The following PTPN14 variants were observed in gnomAD, a reference collection of about 807,000 sequenced individuals.
PTPN14 encodes protein tyrosine phosphatase non-receptor type 14, also known as tyrosine-protein phosphatase non-receptor type 14.
PTPN14 carries 53 observed loss-of-function variants against 126.8 expected under a neutral mutation model. The observed-to-expected ratio is 0.42, with a 90% CI of 0.34 to 0.53. PTPN14 has a LOEUF of 0.53. PTPN14 is among the 20% of genes least tolerant of loss of function. The pLI, the probability that PTPN14 is intolerant of heterozygous loss-of-function variation, is 0.08. For missense variants in PTPN14, 1,257 were observed against 1,552.9 expected, an observed-to-expected ratio of 0.81 and a Z score of 3.20; for synonymous variants, 630 against 599.3, an observed-to-expected ratio of 1.05 and a Z score of -0.75.
chr1:214,433,187 G>T (rs1340636856), intron 3 of PTPN14, among the ~76,000 whole-genome samples: 1 of 152,108 alleles, frequency 6.6e-6, no homozygotes, highest in East Asian at 1.9e-4. Flanking sequence ...ACAGGTGTGA[G>T]CCCGGCCTCA....
chr1:214,479,213 G>C (rs985941584), intron 1 of PTPN14, among the ~76,000 whole-genome samples: 9 of 152,046 alleles, frequency 5.9e-5, no homozygotes, highest in Non-Finnish European at 1.3e-4. Context: ...TGAATGTGGT[G>C]GTGCATGCAT....
intron 1 of PTPN14, among the ~76,000 whole-genome samples, chr1:214,547,400 T>G (rs1251892980): frequency 6.6e-6 from 1 of 152,062 alleles, no homozygotes; most frequent in Non-Finnish European, 1.5e-5. Flanking sequence ...CTGCCCTTTT[T>G]TCTAACATTG....
At chr1:214,545,458 A>G (rs1655946908) in intron 1 of PTPN14, among the ~76,000 whole-genome samples, 1 of 152,178 alleles carries the variant, frequency 6.6e-6, no homozygotes, top group African/African-American at 2.4e-5. Context: ...TCCCTTCATG[A>G]AGGCTCCTCC....
Position 214,351,024 on chromosome 1 carries a change from A to G in PTPN14, c.*6898T>C, listed in dbSNP as rs118093358. The G allele has an allele frequency of 7.9e-5, 12 of 152,128 alleles. No individual in the cohort carries two copies. The East Asian group carries it at 2.3e-3, about 30-fold the overall frequency. The allele number at this position is 152,128 out of a possible 1,614,324, so 9.4% of individuals were successfully genotyped here. ...CATAGGGTAGGTAAAGAAAAGAAAAAGTGTACTGTTGAGAGTTGATCCATA... is the reference window on the plus strand; with the variant it reads ...CATAGGGTAGGTAAAGAAAAGAAAAGGTGTACTGTTGAGAGTTGATCCATA... On this transcript the variant is annotated 3_prime_UTR_variant, in exon 19 of 19. Transcript: ENST00000366956.
intron 5 of PTPN14, among the ~76,000 whole-genome samples, chr1:214,405,931 G>A (rs1424210241): frequency 6.6e-6 from 1 of 152,138 alleles, no homozygotes; most frequent in Non-Finnish European, 1.5e-5. Flanking sequence ...CTGGGATAGG[G>A]TCACAGCACT....
In PTPN14 at chr1:214,433,921, TCC is replaced by T. The variant is rs375783175; in HGVS notation, c.344+17882_344+17883del. Among the ~76,000 whole-genome samples, 97 of 67,874 alleles carry T rather than the reference TCC, an allele frequency of 1.4e-3. 2 individuals are homozygous for T. The highest frequency in any genetic ancestry group is 3.5e-3 in the African/African-American group (71 of 20,224). The allele number at this position is 67,874 out of a possible 152,430, so 44.5% of individuals were successfully genotyped here. On this transcript the variant is annotated intron_variant, in intron 3 of 18. Coordinates refer to ENST00000366956, the MANE Select transcript of PTPN14 (RefSeq NM_005401.5). ...CTGGGCAACATAGTGAGACATTATT[TCC>T]ACACACACACACACACACACACACA... is the stretch of plus-strand genomic sequence containing the variant.
chr1:214,433,961 A>C (rs879499574), intron 3 of PTPN14, among the ~76,000 whole-genome samples: 9,749 of 72,562 alleles, frequency 0.13, 491 homozygotes, highest in Non-Finnish European at 0.22. Context: ...CAAAAAAAAA[A>C]AAAAAAAAAA....
At chr1:214,523,448 A>G (rs1655309640) in intron 1 of PTPN14, among the ~76,000 whole-genome samples, 1 of 152,186 alleles carries the variant, frequency 6.6e-6, no homozygotes, top group Non-Finnish European at 1.5e-5. Flanking sequence ...ACAACTGTCT[A>G]CAGTATTCAG....
At chr1:214,467,407 T>C (rs1316424432) in intron 1 of PTPN14, among the ~76,000 whole-genome samples, 2 of 152,254 alleles carry the variant, frequency 1.3e-5, no homozygotes, top group African/African-American at 4.8e-5. Flanking sequence ...TGTGTCTCAC[T>C]GTAAACACCT....
intron 9 of PTPN14, 84 bp downstream of exon 9, chr1:214,394,815 G>C (rs1658839598): frequency 1.5e-5 from 18 of 1,170,896 alleles, no homozygotes; most frequent in Non-Finnish European, 2.2e-5. Flanking sequence ...TCAAGATAGG[G>C]AGAGCAAGGA....
chr1:214,446,963 G>A (rs759221404), intron 3 of PTPN14, among the ~76,000 whole-genome samples: 10 of 152,086 alleles, frequency 6.6e-5, no homozygotes, highest in African/African-American at 9.7e-5. Context: ...CGGGTTGCCC[G>A]CAAATGAAAG....
At chr1:214,372,468 A>C (rs1658241504) in intron 16 of PTPN14, 1 of 518,858 alleles carries the variant, frequency 1.9e-6, no homozygotes, top group East Asian at 3.9e-5. Context: ...TTACAATCCA[A>C]GGAAAAGAGT....
chr1:214,533,022 C>A, intron 1 of PTPN14: 2 of 753,090 alleles, frequency 2.7e-6, no homozygotes. Flanking sequence ...CCACAGTGGT[C>A]ACCACCCAGT....
intron 8 of PTPN14, 71 bp downstream of exon 8, chr1:214,397,842 G>T: frequency 1.5e-6 from 2 of 1,290,544 alleles, no homozygotes; most frequent in Non-Finnish European, 2.2e-6. Context: ...TCATTTGGAT[G>T]TTAATGTAAC....
chr1:214,496,464 G>A (rs1654516070), intron 1 of PTPN14, among the ~76,000 whole-genome samples: 1 of 152,106 alleles, frequency 6.6e-6, no homozygotes, highest in Non-Finnish European at 1.5e-5. Context: ...AACCCCTCGG[G>A]GAAAATGAGT....
At chr1:214,401,640 AC>A (rs1222848784) in intron 7 of PTPN14, 44 bp downstream of exon 7, 3 of 1,441,860 alleles carry the variant, frequency 2.1e-6, no homozygotes, top group East Asian at 2.4e-5. Context: ...AAATGCCAGT[AC>A]CGGTCTGAGA....
chr1:214,450,209 C>A (rs1660243422), intron 3 of PTPN14, among the ~76,000 whole-genome samples: 1 of 151,376 alleles, frequency 6.6e-6, no homozygotes, highest in Non-Finnish European at 1.5e-5. Context: ...CAGTGGCTCA[C>A]CCCTGTCATC....
intron 3 of PTPN14, among the ~76,000 whole-genome samples, chr1:214,444,888 A>G (rs17022965): frequency 0.057 from 8,669 of 152,146 alleles, 298 homozygotes; most frequent in South Asian, 0.15. Context: ...AAATGCATTA[A>G]CCTAACTCCC....
In PTPN14 at chr1:214,364,317, C is replaced by T. The variant is rs575100723; in HGVS notation, c.3435+195G>A. On this transcript the variant is annotated intron_variant, in intron 18 of 18. Coordinates refer to ENST00000366956, the MANE Select transcript of PTPN14 (RefSeq NM_005401.5). The surrounding 1 kb of genome is among the most constrained non-coding windows in gnomAD (Gnocchi z 4.1). ...CTCCTGTTTTATCTGGGTATCTACA[C>T]GGAGCAGTGGGAGGGCAAAAAGATA... Among the ~76,000 whole-genome samples the T allele has an allele frequency of 3.3e-5, 5 of 152,150 alleles. No individual in the cohort carries two copies. Among genetic ancestry groups the T allele is most frequent in the South Asian group, 2.1e-4 (1 of 4,816 alleles).
Sources: allele counts gnomAD v4.1 joint callset (sites outside exome capture counted in the v4.1 genomes callset), GRCh38; gene constraint gnomAD v4.1.1; non-coding constraint Gnocchi (gnomAD v3.1); transcripts MANE v1.5; gene names NCBI Gene and HGNC (gene_info 2026-07-23, HGNC 2026-07-21).